DNM2: variants seen among roughly 807,000 people sequenced by gnomAD.
The protein encoded by DNM2 is dynamin 2.
A neutral mutation model predicts 99.0 loss-of-function variants in DNM2; 15 were observed. The ratio of observed to expected loss-of-function variants is 0.15; its 90% CI spans 0.10 to 0.23. DNM2 has a LOEUF of 0.23. Among genes scored for constraint, DNM2 ranks in the 10% least tolerant of loss-of-function variants. The pLI, the probability that DNM2 is intolerant of heterozygous loss-of-function variation, is 1.00. For missense variants in DNM2, 742 were observed against 1,189.4 expected (o/e 0.62, Z 5.53); for synonymous variants, 525 against 481.2 (o/e 1.09, Z -1.19).
chr19:10,747,695 C>A (rs1206216122), intron 1 of DNM2, among the ~76,000 whole-genome samples: 2 of 152,276 alleles, frequency 1.3e-5, no homozygotes, highest in Non-Finnish European at 1.5e-5. Flanking sequence ...GAGAAGGGGC[C>A]GATACGGGAC....
rs201979143 is a variant in DNM2, at chr19:10,830,385, C to G, written c.2543+7C>G. On this transcript the variant is annotated splice_region_variant and intron_variant, in intron 20 of 20. Transcript: ENST00000389253. The surrounding 1 kb of genome is among the most constrained non-coding windows in gnomAD (Gnocchi z 4.8). ...TTCCCCCAGGAGTGCCCAGGTAAGG[C>G]CAACCCCCTGCCCTCCACCCCAACT... is the stretch of plus-strand genomic sequence containing the variant. 7,639 of 1,606,916 alleles carry G rather than the reference C, an allele frequency of 4.8e-3. 36 individuals are homozygous for G. Among genetic ancestry groups the G allele is most frequent in the Non-Finnish European group, 5.5e-3 (6,532 of 1,178,618 alleles).
chr19:10,748,386 C>G (rs961572961), intron 1 of DNM2, among the ~76,000 whole-genome samples: 1 of 152,114 alleles, frequency 6.6e-6, no homozygotes, highest in Non-Finnish European at 1.5e-5. Context: ...GCCAGGGGAG[C>G]CCCAGGTCTG....
chr19:10,767,468 C>T (rs1865124), intron 2 of DNM2, among the ~76,000 whole-genome samples: 9,324 of 152,288 alleles, frequency 0.061, 300 homozygotes, highest in South Asian at 0.098. Flanking sequence ...TGCGCCACCA[C>T]GCCCAGCTAA....
chr19:10,826,951 A>G (rs2073160362), intron 18 of DNM2, among the ~76,000 whole-genome samples: 1 of 150,966 alleles, frequency 6.6e-6, no homozygotes, highest in Non-Finnish European at 1.5e-5. Flanking sequence ...ATCTAAGTAA[A>G]ACTCCCACAC....
intron 2 of DNM2, among the ~76,000 whole-genome samples, chr19:10,771,195 G>C (rs1599520212): frequency 6.6e-6 from 1 of 152,164 alleles, no homozygotes; most frequent in South Asian, 2.1e-4. Context: ...ATCTGGAAAC[G>C]TCAAGGCTTT....
At chr19:10,743,734 C>T (rs754314281) in intron 1 of DNM2, among the ~76,000 whole-genome samples, 5 of 147,280 alleles carry the variant, frequency 3.4e-5, no homozygotes, top group Non-Finnish European at 7.4e-5. Flanking sequence ...GGCATGAACC[C>T]GGGAGGCGGA....
At chr19:10,786,361 C>A in intron 6 of DNM2, 2 of 831,434 alleles carry the variant, frequency 2.4e-6, no homozygotes, top group Admixed American at 2.1e-5. Flanking sequence ...CTCTTACACT[C>A]ATGGGCAGCT....
intron 5 of DNM2, among the ~76,000 whole-genome samples, chr19:10,782,342 T>TTTTTTCTTTTTC (rs57038484): frequency 0.85 from 123,693 of 145,084 alleles, 52,935 homozygotes; most frequent in East Asian, 0.98. Context: ...CCTTGAGATT[T>TTTTTTCTTTTTC]TTTTTCTTTT....
At chr19:10,719,546 G>C (rs889930122) in intron 1 of DNM2, among the ~76,000 whole-genome samples, 4 of 152,074 alleles carry the variant, frequency 2.6e-5, no homozygotes, top group African/African-American at 4.8e-5. Context: ...CCAGGATTCA[G>C]GAAGCAAATG....
At chr19:10,821,872 A>G (rs937399280) in intron 16 of DNM2, among the ~76,000 whole-genome samples, 1 of 152,144 alleles carries the variant, frequency 6.6e-6, no homozygotes, top group African/African-American at 2.4e-5. Context: ...ATGGCTGCCC[A>G]GACTCCAGCC....
At chr19:10,755,904 C>T (rs1270684170) in intron 1 of DNM2, among the ~76,000 whole-genome samples, 1 of 152,000 alleles carries the variant, frequency 6.6e-6, no homozygotes, top group Admixed American at 6.6e-5. Flanking sequence ...CCTCAGGTGA[C>T]CCACCCACCT....
chr19:10,788,989 G>A (rs937394113), intron 7 of DNM2, among the ~76,000 whole-genome samples: 5 of 152,208 alleles, frequency 3.3e-5, no homozygotes, highest in African/African-American at 9.7e-5. Context: ...CCTTGACTAC[G>A]TTACAAAACA....
In DNM2 at chr19:10,815,096, G is replaced by GTTTCTTGCT. The variant is rs777747371; in HGVS notation, c.1671+2720_1671+2728dup. Among the ~76,000 whole-genome samples the GTTTCTTGCT allele has an allele frequency of 3.3e-4, 50 of 152,312 alleles. 1 individual carries two copies. Among genetic ancestry groups the GTTTCTTGCT allele is most frequent in the Middle Eastern group, 3.4e-3 (1 of 294 alleles). On this transcript the variant is annotated intron_variant, in intron 15 of 20. Transcript: ENST00000389253. ...GAAGGCTCTTAAAGAGATGAAGTCT[G>GTTTCTTGCT]TTTCTTGCTCACGTCTCAGTGAGCT...
chr19:10,767,059 G>T (rs912378543), intron 2 of DNM2, among the ~76,000 whole-genome samples: 3 of 152,100 alleles, frequency 2.0e-5, no homozygotes, highest in Admixed American at 2.0e-4. Flanking sequence ...TCTGCAGAGG[G>T]TGGCTGTGGG....
intron 7 of DNM2, among the ~76,000 whole-genome samples, chr19:10,793,045 T>G (rs2071809204): frequency 6.6e-6 from 1 of 152,152 alleles, no homozygotes; most frequent in South Asian, 2.1e-4. Flanking sequence ...ACCCGGCCAA[T>G]AAAACATTTT....
At chr19:10,749,821 AG>A in intron 1 of DNM2, among the ~76,000 whole-genome samples, 1 of 152,072 alleles carries the variant, frequency 6.6e-6, no homozygotes, top group Non-Finnish European at 1.5e-5. Context: ...TTTTGCTGGG[AG>A]TGGGAAGGGG....
chr19:10,785,956 A>G (rs1416115354), intron 6 of DNM2, among the ~76,000 whole-genome samples: 1 of 151,438 alleles, frequency 6.6e-6, no homozygotes, highest in Admixed American at 6.6e-5. Flanking sequence ...CCACCACCAC[A>G]CCGAGATAAT....
chr19:10,759,609 A>C (rs1436747542), intron 1 of DNM2, 129 bp from the exon 2 acceptor site: 1 of 1,072,614 alleles, frequency 9.3e-7, no homozygotes, highest in Admixed American at 1.7e-5. Context: ...CCCAGGGCCC[A>C]GCTGGGGTTG....
Position 10,831,295 on chromosome 19 carries a change from A to G in DNM2, c.*248A>G. ...GTTGCACTTTGGGGGATGGAGTCTC[A>G]GGGTGGCAGAGGGGGGACCAGAACC... On this transcript the variant is annotated 3_prime_UTR_variant, in exon 21 of 21. Transcript: ENST00000389253. This position sits in a 1 kb window ranked among gnomAD's most constrained non-coding sequence, Gnocchi z 4.3. The G allele has an allele frequency of 7.8e-7, 1 of 1,278,886 alleles. No homozygotes were observed. The highest frequency in any genetic ancestry group is 2.4e-5 in the South Asian group (1 of 42,030). The allele number at this position is 1,278,886 out of a possible 1,614,324, so 79.2% of individuals were successfully genotyped here. A position where few individuals can be genotyped will look rare whatever the true frequency, so the allele number is the denominator to read the frequency against.
Sources: allele counts gnomAD v4.1 joint callset (sites outside exome capture counted in the v4.1 genomes callset), GRCh38; gene constraint gnomAD v4.1.1; non-coding constraint Gnocchi (gnomAD v3.1); transcripts MANE v1.5; gene names NCBI Gene and HGNC (gene_info 2026-07-23, HGNC 2026-07-21).